Variants in RBFOX1 observed in about 807,000 individuals in gnomAD.
RBFOX1 encodes RNA binding protein fox-1 homolog 1.
In RBFOX1, 8 loss-of-function variants were observed where a neutral mutation model predicts 57.7. The ratio of observed to expected loss-of-function variants is 0.14; its 90% CI spans 0.08 to 0.25. The LOEUF (loss-of-function observed/expected upper bound fraction) is 0.25. Ranked by LOEUF, RBFOX1 falls within the 10% of genes least tolerant of loss-of-function variation. The pLI, the probability that RBFOX1 is intolerant of heterozygous loss-of-function variation, is 1.00. For synonymous variants in RBFOX1, 326 were observed against 222.4 expected (o/e 1.47, Z -4.15); for missense variants, 611 against 548.5 (o/e 1.11, Z -1.14).
intron 1 of RBFOX1, among the ~76,000 whole-genome samples, chr16:6,232,330 G>C (rs893442072): frequency 6.6e-6 from 1 of 152,190 alleles, no homozygotes; most frequent in Admixed American, 6.5e-5. Flanking sequence ...ATTAGGGCTG[G>C]AAAACTGCAG....
chr16:5,843,956 C>G (rs2151851768), intron 3 of RBFOX1, among the ~76,000 whole-genome samples: 1 of 152,264 alleles, frequency 6.6e-6, no homozygotes, highest in East Asian at 1.9e-4. Context: ...AGAAGAGTTT[C>G]CCTAGAGGGG....
At chr16:6,940,025 G>A (rs1262159211) in intron 3 of RBFOX1, among the ~76,000 whole-genome samples, 1 of 152,070 alleles carries the variant, frequency 6.6e-6, no homozygotes, top group East Asian at 1.9e-4. Flanking sequence ...GGTCAGCCTG[G>A]CCTACAGGGC....
intron 1 of RBFOX1, among the ~76,000 whole-genome samples, chr16:5,390,382 G>C (rs975804892): frequency 1.3e-5 from 2 of 150,626 alleles, no homozygotes; most frequent in Non-Finnish European, 3.0e-5. Flanking sequence ...TGTGCCTCCT[G>C]GGTTCAAGCG....
At chr16:7,017,824 T>G (rs1356642784) in intron 3 of RBFOX1, among the ~76,000 whole-genome samples, 1 of 152,170 alleles carries the variant, frequency 6.6e-6, no homozygotes, top group Admixed American at 6.6e-5. Flanking sequence ...TTCTTCTGTT[T>G]GTTTATTTAT....
chr16:6,255,175 A>G (rs370233379), intron 1 of RBFOX1, among the ~76,000 whole-genome samples: 7 of 152,288 alleles, frequency 4.6e-5, no homozygotes, highest in Middle Eastern at 3.4e-3. Flanking sequence ...AAACATTTCC[A>G]TATCAATACT....
chr16:7,575,600 A>G (rs1017602445), intron 5 of RBFOX1, among the ~76,000 whole-genome samples: 2 of 152,164 alleles, frequency 1.3e-5, no homozygotes, highest in African/African-American at 4.8e-5. Context: ...ATTCCTCCCT[A>G]GAGCCTCTAG....
Position 6,206,118 on chromosome 16 carries a change from C to G in RBFOX1, c.-126-110877C>G, listed in dbSNP as rs116298636. 5.8e-3 allele frequency among the ~76,000 whole-genome samples: 881 copies of G among 152,190 alleles called. 6 individuals carry two copies. Among genetic ancestry groups the G allele is most frequent in the African/African-American group, 0.02 (823 of 41,536 alleles). ...GTTGATGTTTCTGTCTTTTAAGGCA[C>G]AGGTCAAATCTGACTCAGGAAGAAA... On this transcript the variant is annotated intron_variant, in intron 1 of 15. Coordinates refer to ENST00000550418, the MANE Select transcript of RBFOX1 (RefSeq NM_018723.4).
intron 1 of RBFOX1, among the ~76,000 whole-genome samples, chr16:6,088,834 T>C (rs545189229): frequency 1.8e-4 from 27 of 152,208 alleles, no homozygotes; most frequent in Admixed American, 6.5e-4. Flanking sequence ...CGGTGGCTCA[T>C]GCCTGTAATC....
chr16:6,983,139 A>G (rs1372838851), intron 3 of RBFOX1, among the ~76,000 whole-genome samples: 1 of 151,944 alleles, frequency 6.6e-6, no homozygotes, highest in Non-Finnish European at 1.5e-5. Context: ...TAGCTGTTCC[A>G]TTGACAGCTT....
At chr16:5,616,224 C>G (rs1181769892) in intron 3 of RBFOX1, 1 of 152,364 alleles carries the variant, frequency 6.6e-6, no homozygotes, top group Non-Finnish European at 1.5e-5. Flanking sequence ...CCTTCGGCTT[C>G]CTGGAACCCC....
chr16:6,085,724 G>T (rs1239919613), intron 1 of RBFOX1, among the ~76,000 whole-genome samples: 6 of 152,082 alleles, frequency 3.9e-5, no homozygotes, highest in Non-Finnish European at 8.8e-5. Context: ...TGCAGCCCGT[G>T]GCGCTTAAAT....
At chr16:5,542,950 A>G (rs2045023933) in intron 2 of RBFOX1, among the ~76,000 whole-genome samples, 1 of 152,208 alleles carries the variant, frequency 6.6e-6, no homozygotes, top group Admixed American at 6.5e-5. Flanking sequence ...ATGGCTGAGA[A>G]TAGTGCCAAC....
chr16:6,147,643 A>G (rs2096768585), intron 1 of RBFOX1, among the ~76,000 whole-genome samples: 1 of 152,156 alleles, frequency 6.6e-6, no homozygotes, highest in African/African-American at 2.4e-5. Context: ...AAGGTTGGGG[A>G]AAAAAAGAAA....
intron 2 of RBFOX1, among the ~76,000 whole-genome samples, chr16:5,514,474 A>C (rs2043717836): frequency 6.6e-6 from 1 of 152,160 alleles, no homozygotes. Flanking sequence ...CCCAGATTTA[A>C]GGGGAAGGGG....
intron 2 of RBFOX1, among the ~76,000 whole-genome samples, chr16:6,385,345 T>A (rs1050379063): frequency 6.6e-6 from 1 of 152,152 alleles, no homozygotes; most frequent in Non-Finnish European, 1.5e-5. Flanking sequence ...GTTTTCCCCA[T>A]CTTTATTTTT....
chr16:5,424,903 CTT>C lies in RBFOX1; in HGVS notation c.220-42311_220-42310del. Among the ~76,000 whole-genome samples, 3 of 97,006 alleles carry C rather than the reference CTT, an allele frequency of 3.1e-5. 1 individual carries two copies. Among genetic ancestry groups the C allele is most frequent in the Non-Finnish European group, 6.4e-5 (3 of 47,236 alleles). 63.6% of individuals were successfully genotyped at this position (97,006 alleles called of 152,430 possible). On this transcript the variant is annotated intron_variant, in intron 1 of 2. Transcript: ENST00000585867. ...TCTTTCTTTCTTTCTTTCTTTCTTT[CTT>C]TCTTTCTTTCTTTCTTTCTTTCTTT...
chr16:6,217,144 G>C (rs1184401114), intron 1 of RBFOX1, among the ~76,000 whole-genome samples: 1 of 148,988 alleles, frequency 6.7e-6, no homozygotes, highest in South Asian at 2.1e-4. Flanking sequence ...GTGTATGAGG[G>C]TAGCCTCGTG....
intron 3 of RBFOX1, among the ~76,000 whole-genome samples, chr16:6,854,873 C>A (rs1020810506): frequency 1.3e-5 from 2 of 151,946 alleles, no homozygotes. Context: ...GGATTACAGG[C>A]GTGAGCCACC....
At chr16:6,920,280 G>C (rs563754969) in intron 3 of RBFOX1, among the ~76,000 whole-genome samples, 1 of 152,208 alleles carries the variant, frequency 6.6e-6, no homozygotes, top group Non-Finnish European at 1.5e-5. Context: ...TCTTTCCTTT[G>C]GTAGATATCC....
Sources: allele counts gnomAD v4.1 joint callset (sites outside exome capture counted in the v4.1 genomes callset), GRCh38; gene constraint gnomAD v4.1.1; transcripts MANE v1.5; gene names NCBI Gene and HGNC (gene_info 2026-07-23, HGNC 2026-07-21).